MCTP1: variants seen among roughly 807,000 people sequenced by gnomAD.
MCTP1 encodes multiple C2 and transmembrane domain containing 1.
A neutral mutation model predicts 120.6 loss-of-function variants in MCTP1; 69 were observed. The ratio of observed to expected loss-of-function variants is 0.57; its 90% CI spans 0.47 to 0.70. The LOEUF (loss-of-function observed/expected upper bound fraction) is 0.70, where lower values mean the gene tolerates loss of function less well. MCTP1 is among the 30% of genes least tolerant of loss of function. MCTP1 has a pLI of 0.00. For missense variants in MCTP1, 1,203 were observed against 1,248.8 expected (o/e 0.96, Z 0.55); for synonymous variants, 529 against 493.1 (o/e 1.07, Z -0.96).
At chr5:95,155,958 C>T (rs1026804054) in intron 1 of MCTP1, among the ~76,000 whole-genome samples, 3 of 152,158 alleles carry the variant, frequency 2.0e-5, no homozygotes, top group Admixed American at 1.3e-4. Flanking sequence ...ACATAAGCTC[C>T]CATATTGTAA....
intron 17 of MCTP1, among the ~76,000 whole-genome samples, chr5:94,833,565 G>GAAAAC (rs1335743297): frequency 5.9e-5 from 9 of 152,052 alleles, no homozygotes; most frequent in African/African-American, 2.2e-4. Flanking sequence ...TTTTAAGAAT[G>GAAAAC]AAAACAAAGA....
chr5:95,050,446 T>C lies in MCTP1; in HGVS notation c.721-32962A>G, dbSNP rs968063532. ...ATCTTTATCTGCCTGGATGGGGCTG[T>C]GGGGATGAGAGTAGAAATGAAGCCA... On this transcript the variant is annotated intron_variant, in intron 1 of 22. Transcript: ENST00000515393. 6.6e-5 allele frequency among the ~76,000 whole-genome samples: 10 copies of C among 152,290 alleles called. 1 individual carries two copies. The South Asian group carries it at 2.1e-3, about 32-fold the overall frequency.
At chr5:95,018,497 A>G (rs934620700) in intron 1 of MCTP1, among the ~76,000 whole-genome samples, 1 of 115,298 alleles carries the variant, frequency 8.7e-6, no homozygotes, top group Non-Finnish European at 2.0e-5. Context: ...TGTTCGTTAA[A>G]GCAGCATTTT....
chr5:95,172,629 G>C (rs1252151702), intron 1 of MCTP1, among the ~76,000 whole-genome samples: 1 of 151,648 alleles, frequency 6.6e-6, no homozygotes, highest in Non-Finnish European at 1.5e-5. Context: ...AGCACTACAT[G>C]AGGCACTGCA....
chr5:95,213,758 T>C (rs1339863883), intron 1 of MCTP1, among the ~76,000 whole-genome samples: 1 of 152,194 alleles, frequency 6.6e-6, no homozygotes, highest in Non-Finnish European at 1.5e-5. Flanking sequence ...AAACAAGCAA[T>C]GGGGAAAGGA....
chr5:94,871,295 G>A lies in MCTP1; in HGVS notation c.2139+20C>T. The A allele has an allele frequency of 7.4e-7, 1 of 1,355,354 alleles. No individual in the cohort carries two copies. Among genetic ancestry groups the A allele is most frequent in the Non-Finnish European group, 1.1e-6 (1 of 944,786 alleles). 84.0% of individuals were successfully genotyped at this position (1,355,354 alleles called of 1,614,324 possible). ...GAGCAAAAGCAACACAGAACAGTGT[G>A]TCAGGTGAATAAAACTTACAGACAG... is the stretch of plus-strand genomic sequence containing the variant. On this transcript the variant is annotated intron_variant, in intron 14 of 22. Coordinates refer to ENST00000515393, the MANE Select transcript of MCTP1 (RefSeq NM_024717.7).
chr5:94,856,755 G>C (rs1187740735), intron 17 of MCTP1, among the ~76,000 whole-genome samples: 4 of 151,648 alleles, frequency 2.6e-5, no homozygotes, highest in Non-Finnish European at 5.9e-5. Context: ...AAGTCAAAAA[G>C]GAAATAAAAG....
chr5:95,235,002 C>T (rs1469933011), intron 1 of MCTP1, among the ~76,000 whole-genome samples: 2 of 152,120 alleles, frequency 1.3e-5, no homozygotes, highest in South Asian at 2.1e-4. Flanking sequence ...CATTATTTCC[C>T]TGATAAACAA....
rs1177128627 is a variant in MCTP1, at chr5:95,284,865, T to C, written c.-290A>G. 2.6e-5 allele frequency among the ~76,000 whole-genome samples: 4 copies of C among 151,950 alleles called. No individual in the cohort carries two copies. The highest frequency in any genetic ancestry group is 6.5e-5 in the Admixed American group (1 of 15,274). On this transcript the variant is annotated 5_prime_UTR_variant, in exon 1 of 23. Coordinates refer to ENST00000515393, the MANE Select transcript of MCTP1 (RefSeq NM_024717.7). The surrounding 1 kb of genome is among the most constrained non-coding windows in gnomAD (Gnocchi z 5.2). Reference sequence around the variant, plus strand: ...GTAACCGAATCCCGGCCGCGGCGCCTGCAAAGTTTTTCCCTCGAAGCTCCG... The same window carrying C: ...GTAACCGAATCCCGGCCGCGGCGCCCGCAAAGTTTTTCCCTCGAAGCTCCG...
chr5:94,902,835 G>A (rs1275011753), intron 10 of MCTP1, among the ~76,000 whole-genome samples: 1 of 152,094 alleles, frequency 6.6e-6, no homozygotes, highest in African/African-American at 2.4e-5. Flanking sequence ...ATTTACCTGG[G>A]TATACTTCTG....
chr5:95,121,000 C>T (rs551535294), intron 1 of MCTP1, among the ~76,000 whole-genome samples: 62 of 152,068 alleles, frequency 4.1e-4, no homozygotes, highest in African/African-American at 1.3e-3. Context: ...AGGACATGGC[C>T]AGGCGCGGTG....
chr5:95,283,117 T>C (rs545676504), intron 1 of MCTP1, among the ~76,000 whole-genome samples: 10 of 152,374 alleles, frequency 6.6e-5, no homozygotes, highest in African/African-American at 2.4e-4. Context: ...GTGGGACACA[T>C]TGTGGGTCCC....
intron 3 of MCTP1, among the ~76,000 whole-genome samples, chr5:94,950,946 CAA>C (rs1186726298): frequency 0.05 from 5,330 of 107,402 alleles, 143 homozygotes; most frequent in East Asian, 0.12. Context: ...GACTCTGTCT[CAA>C]AAAAAAAAAA....
At chr5:94,955,172 A>C (rs1822244354) in intron 2 of MCTP1, among the ~76,000 whole-genome samples, 1 of 151,658 alleles carries the variant, frequency 6.6e-6, no homozygotes, top group Non-Finnish European at 1.5e-5. Flanking sequence ...GGTTCGGGGA[A>C]CTCCTTCCCC....
intron 1 of MCTP1, among the ~76,000 whole-genome samples, chr5:95,033,430 G>A (rs1019866041): frequency 2.6e-5 from 4 of 151,936 alleles, no homozygotes; most frequent in African/African-American, 7.2e-5. Flanking sequence ...CCACATACAC[G>A]AATCAATAAG....
chr5:94,711,663 T>C (rs1206526431), intron 20 of MCTP1, among the ~76,000 whole-genome samples: 2 of 151,100 alleles, frequency 1.3e-5, no homozygotes, highest in African/African-American at 4.9e-5. Context: ...GCTGCAAGAC[T>C]CAGTATTGAC....
chr5:94,735,580 A>G (rs1368993938), intron 19 of MCTP1, among the ~76,000 whole-genome samples: 1 of 152,104 alleles, frequency 6.6e-6, no homozygotes, highest in African/African-American at 2.4e-5. Context: ...TTGGGCCTAC[A>G]TTATGTTTCA....
intron 1 of MCTP1, among the ~76,000 whole-genome samples, chr5:95,085,793 CT>C (rs2152331855): frequency 6.6e-6 from 1 of 152,100 alleles, no homozygotes; most frequent in East Asian, 1.9e-4. Flanking sequence ...GAGTCTTGAT[CT>C]TTTTGTTTTT....
At chr5:95,161,116 A>C (rs1745686754) in intron 1 of MCTP1, among the ~76,000 whole-genome samples, 1 of 152,222 alleles carries the variant, frequency 6.6e-6, no homozygotes, top group South Asian at 2.1e-4. Context: ...GACTGAAATC[A>C]GTATGCTGAA....
Sources: gnomAD v4.1 joint callset for allele counts (sites outside exome capture counted in the v4.1 genomes callset) on GRCh38, gnomAD v4.1.1 for gene constraint, Gnocchi (gnomAD v3.1) non-coding constraint, MANE v1.5 for transcripts, NCBI Gene and HGNC (gene_info 2026-07-23, HGNC 2026-07-21) for gene names.